UBE2E2: variants seen among roughly 807,000 people sequenced by gnomAD.
UBE2E2 encodes ubiquitin conjugating enzyme E2 E2, also known as ubiquitin-conjugating enzyme E2 E2.
Under a neutral mutation model 24.7 loss-of-function variants are expected in UBE2E2, and 6 were observed. The ratio of observed to expected loss-of-function variants is 0.24; its 90% CI spans 0.13 to 0.48. The LOEUF (loss-of-function observed/expected upper bound fraction) is 0.48. UBE2E2 is among the 20% of genes least tolerant of loss of function. UBE2E2 has a pLI of 0.99. For synonymous variants in UBE2E2, 104 were observed against 83.6 expected (o/e 1.24, Z -1.33); for missense variants, 169 against 245.0 (o/e 0.69, Z 2.07).
intron 5 of UBE2E2, among the ~76,000 whole-genome samples, chr3:23,568,694 CACAT>C (rs1296568507): frequency 1.7e-4 from 22 of 132,774 alleles, no homozygotes; most frequent in Admixed American, 6.8e-4. Flanking sequence ...CATATATACA[CACAT>C]ATATATATAC....
chr3:23,358,348 A>G (rs559289002), intron 3 of UBE2E2, among the ~76,000 whole-genome samples: 1 of 152,352 alleles, frequency 6.6e-6, no homozygotes, highest in South Asian at 2.1e-4. Flanking sequence ...ATGATGGTTC[A>G]CAGAACCAGT....
chr3:23,269,698 T>A (rs1351945743), intron 3 of UBE2E2, among the ~76,000 whole-genome samples: 2 of 152,084 alleles, frequency 1.3e-5, no homozygotes, highest in Non-Finnish European at 2.9e-5. Flanking sequence ...AGCAGCAGCA[T>A]CAACAACAGC....
At chr3:23,576,064 A>G (rs554289040) in intron 5 of UBE2E2, among the ~76,000 whole-genome samples, 3 of 152,300 alleles carry the variant, frequency 2.0e-5, no homozygotes, top group African/African-American at 7.2e-5. Context: ...AGTTGCCTCA[A>G]GGTGGAAGGG....
chr3:23,309,062 T>C (rs568423592), intron 3 of UBE2E2, among the ~76,000 whole-genome samples: 19 of 152,344 alleles, frequency 1.2e-4, no homozygotes, highest in African/African-American at 4.6e-4. Context: ...TTAGCTGTGC[T>C]CACAGCCAGT....
In UBE2E2 at chr3:23,203,461, T is replaced by A. The variant is rs1404508586; in HGVS notation, c.-12T>A. ...TGCGACCTGCACGGACACCCCCCCC[T>A]CAGGTATTCGCTCGGGCCGCGCCGG... On this transcript the variant is annotated 5_prime_UTR_variant, in exon 1 of 6. Transcript: ENST00000396703. 1.2e-6 allele frequency: 1 copy of A among 824,224 alleles called. No individual in the cohort carries two copies. The highest frequency in any genetic ancestry group is 1.3e-6 in the Non-Finnish European group (1 of 744,928). 51.1% of individuals were successfully genotyped at this position (824,224 alleles called of 1,614,324 possible).
rs78875931 is a variant in UBE2E2, at chr3:23,373,251, A to G, written c.228-126357A>G. Among the ~76,000 whole-genome samples, 87 of 152,320 alleles carry G rather than the reference A, an allele frequency of 5.7e-4. 3 individuals are homozygous for G. In the East Asian group the frequency reaches 0.015, roughly 27 times the overall value. On this transcript the variant is annotated intron_variant, in intron 3 of 5. Coordinates refer to ENST00000396703, the MANE Select transcript of UBE2E2 (RefSeq NM_152653.4). Reference sequence around the variant, plus strand: ...TAAGTAAAACACCAGGTTGGTGGAAATGGAAAGGAAGGACGGCTGGCTCAA... The same window carrying G: ...TAAGTAAAACACCAGGTTGGTGGAAGTGGAAAGGAAGGACGGCTGGCTCAA...
intron 3 of UBE2E2, among the ~76,000 whole-genome samples, chr3:23,255,714 T>C (rs1354208438): frequency 6.6e-6 from 1 of 152,224 alleles, no homozygotes; most frequent in Non-Finnish European, 1.5e-5. Context: ...ATGGTACCTC[T>C]GTCTTGATTT....
intron 5 of UBE2E2, among the ~76,000 whole-genome samples, chr3:23,556,093 A>G (rs984128655): frequency 8.7e-5 from 13 of 149,536 alleles, no homozygotes; most frequent in African/African-American, 3.0e-4. Context: ...CCATTTTTCT[A>G]TATATTGTAT....
At chr3:23,356,694 A>G (rs992902913) in intron 3 of UBE2E2, among the ~76,000 whole-genome samples, 3 of 152,208 alleles carry the variant, frequency 2.0e-5, no homozygotes, top group African/African-American at 7.2e-5. Context: ...AAATCTTCTC[A>G]TATCAATTCC....
intron 4 of UBE2E2, among the ~76,000 whole-genome samples, chr3:23,531,327 G>A (rs1695118364): frequency 6.6e-6 from 1 of 152,012 alleles, no homozygotes; most frequent in Non-Finnish European, 1.5e-5. Context: ...TGAGATTTTT[G>A]TATATTTCAA....
chr3:23,404,562 C>T (rs1325085512), intron 3 of UBE2E2, among the ~76,000 whole-genome samples: 1 of 152,132 alleles, frequency 6.6e-6, no homozygotes. Context: ...AGGAATGTAG[C>T]ATTTGGAATT....
At chr3:23,283,856 A>G (rs1328900089) in intron 3 of UBE2E2, among the ~76,000 whole-genome samples, 2 of 67,066 alleles carry the variant, frequency 3.0e-5, no homozygotes, top group Admixed American at 2.2e-4. Context: ...ACCCACTGAC[A>G]AAGAAACTTC....
chr3:23,515,530 GA>G lies in UBE2E2; in HGVS notation c.360+15791del, dbSNP rs199591976. ...AAATACAAGCCCTCCCTCCTCCTTG[GA>G]CATGGATACCATCTCCTCCTGGCAA... On this transcript the variant is annotated intron_variant, in intron 4 of 5. Transcript: ENST00000396703. Among the ~76,000 whole-genome samples, 1,221 of 152,208 alleles carry G rather than the reference GA, an allele frequency of 8.0e-3. 15 individuals carry two copies. Among genetic ancestry groups the G allele is most frequent in the African/African-American group, 0.027 (1,138 of 41,532 alleles).
At chr3:23,496,210 T>C (rs1699597970) in intron 3 of UBE2E2, among the ~76,000 whole-genome samples, 1 of 152,206 alleles carries the variant, frequency 6.6e-6, no homozygotes, top group Non-Finnish European at 1.5e-5. Context: ...AGCAAGTTGC[T>C]TTTCTCACCA....
chr3:23,493,020 A>G (rs961529677), intron 3 of UBE2E2, among the ~76,000 whole-genome samples: 20 of 152,270 alleles, frequency 1.3e-4, no homozygotes, highest in African/African-American at 1.7e-4. Context: ...TTGAGGTACT[A>G]TTATCTCATT....
At chr3:23,379,597 G>T (rs936463342) in intron 3 of UBE2E2, among the ~76,000 whole-genome samples, 8 of 151,404 alleles carry the variant, frequency 5.3e-5, no homozygotes, top group Admixed American at 2.0e-4. Context: ...TGGCTGCATA[G>T]TATTCCATGG....
intron 3 of UBE2E2, among the ~76,000 whole-genome samples, chr3:23,302,756 A>G (rs1699133283): frequency 1.3e-5 from 2 of 152,252 alleles, no homozygotes; most frequent in Admixed American, 1.3e-4. Context: ...GAAAGCAGCC[A>G]TAGAAAATGT....
Position 23,336,555 on chromosome 3 carries a change from A to T in UBE2E2, c.227+119243A>T, listed in dbSNP as rs1419984282. Among the ~76,000 whole-genome samples, 4 of 152,352 alleles carry T rather than the reference A, an allele frequency of 2.6e-5. No homozygotes were observed. In the East Asian group the frequency reaches 7.7e-4, roughly 29 times the overall value. On this transcript the variant is annotated intron_variant, in intron 3 of 5. Transcript: ENST00000396703. ...TTTCCAATCACCATCTCCTTTAGAC[A>T]TACTGGTCCTTGCATTAGTCCTTAA...
At chr3:23,283,994 G>A (rs1205839527) in intron 3 of UBE2E2, among the ~76,000 whole-genome samples, 1 of 152,146 alleles carries the variant, frequency 6.6e-6, no homozygotes, top group African/African-American at 2.4e-5. Flanking sequence ...TCTGAACAAT[G>A]TAGTTGTTTT....
Sources: gnomAD v4.1 joint callset for allele counts (sites outside exome capture counted in the v4.1 genomes callset) on GRCh38, gnomAD v4.1.1 for gene constraint, MANE v1.5 for transcripts, NCBI Gene and HGNC (gene_info 2026-07-23, HGNC 2026-07-21) for gene names.